The following RDX variants were observed in gnomAD, a reference collection of about 807,000 sequenced individuals.
RDX encodes the protein deafness, autosomal recessive 24.
In RDX, 32 loss-of-function variants were observed where a neutral mutation model predicts 83.7. That is an observed-to-expected ratio of 0.38 (90% CI 0.29 to 0.51). The LOEUF is 0.51. Ranked by LOEUF, RDX falls within the 20% of genes least tolerant of loss-of-function variation. The pLI, the probability that RDX is intolerant of heterozygous loss-of-function variation, is 0.87. For missense variants in RDX, 600 were observed against 689.9 expected (o/e 0.87, Z 1.46); for synonymous variants, 229 against 222.7 (o/e 1.03, Z -0.25).
At chr11:110,191,755 C>T (rs1464663474) in intron 15 of RDX, among the ~76,000 whole-genome samples, 1 of 152,162 alleles carries the variant, frequency 6.6e-6, no homozygotes, top group Non-Finnish European at 1.5e-5. Context: ...ACTCAGGAAG[C>T]TGAGGCAGGA....
At position 110,197,570 on chromosome 11, in the gene RDX, C is replaced by G. The variant is rs144724007; in HGVS notation, c.*31+2011G>C. Among the ~76,000 whole-genome samples, 963 of 152,260 alleles carry G rather than the reference C, an allele frequency of 6.3e-3. 9 individuals carry two copies. The highest frequency in any genetic ancestry group is 0.021 in the African/African-American group (868 of 41,538). On this transcript the variant is annotated intron_variant, in intron 15 of 15. Coordinates refer to the RDX transcript ENST00000528498. ...TTTCCTACTTCTGACGACAATAGCT[C>G]AGAGTCAAACTCACTCAAAGGATTT...
At chr11:110,270,232 C>T (rs1860249493) in intron 3 of RDX, among the ~76,000 whole-genome samples, 1 of 151,798 alleles carries the variant, frequency 6.6e-6, no homozygotes, top group South Asian at 2.1e-4. Flanking sequence ...TTAAACAAAC[C>T]TAAATGGTAT....
At chr11:110,179,754 A>C in intron 15 of RDX, 1 of 290,774 alleles carries the variant, frequency 3.4e-6, no homozygotes, top group South Asian at 3.5e-5. Context: ...CCTGGGCAAC[A>C]GAGCAAGATT....
At chr11:110,287,911 T>C (rs1030452401) in intron 1 of RDX, among the ~76,000 whole-genome samples, 6 of 152,254 alleles carry the variant, frequency 3.9e-5, no homozygotes, top group African/African-American at 1.2e-4. Context: ...TATCTTATTC[T>C]ACTTTTCTCA....
chr11:110,270,058 T>C (rs959010287), intron 3 of RDX, among the ~76,000 whole-genome samples: 5 of 152,038 alleles, frequency 3.3e-5, no homozygotes, highest in Non-Finnish European at 7.4e-5. Context: ...AAAATTTTTT[T>C]TTAATAAAGA....
chr11:110,254,002 T>C lies in RDX; in HGVS notation c.903A>G (p.Glu301=), dbSNP rs1859442095. The C allele has an allele frequency of 6.2e-7, 1 of 1,613,836 alleles. No individual in the cohort carries two copies. The highest frequency in any genetic ancestry group is 2.2e-5 in the East Asian group (1 of 44,832). ...TAGCCTGAGCCTTCATCTGTTGTACTTCAATAGTATCAGGCTTCCTTCTTC... is the reference window on the plus strand; with the variant it reads ...TAGCCTGAGCCTTCATCTGTTGTACCTCAATAGTATCAGGCTTCCTTCTTC... ...YMRRRKPDTI[E]VQQMKAQARE... Residue 301 remains glutamate (E), a synonymous_variant, in exon 9 of 14, where the codon GAA becomes GAG. Coordinates refer to ENST00000645495, the MANE Select transcript of RDX (RefSeq NM_002906.4).
At chr11:110,249,036 T>C (rs1396981922) in intron 9 of RDX, among the ~76,000 whole-genome samples, 1 of 152,194 alleles carries the variant, frequency 6.6e-6, no homozygotes, top group African/African-American at 2.4e-5. Flanking sequence ...TTTTAAATAC[T>C]GCCAAATTCA....
chr11:110,261,014 C>G (rs547879879), intron 5 of RDX, among the ~76,000 whole-genome samples: 18 of 152,060 alleles, frequency 1.2e-4, no homozygotes, highest in African/African-American at 2.9e-4. Context: ...AAGATCTGTC[C>G]TAGGTCTTTT....
At chr11:110,209,028 C>T (rs1033332112) in intron 14 of RDX, among the ~76,000 whole-genome samples, 2 of 152,202 alleles carry the variant, frequency 1.3e-5, no homozygotes, top group African/African-American at 2.4e-5. Flanking sequence ...CAGCTCCCAG[C>T]GTGAGCGACG....
rs768760004 is a variant in RDX, at chr11:110,237,505, T to A, written c.1238A>T (p.Asn413Ile). The A allele has an allele frequency of 1.2e-6, 2 of 1,612,624 alleles. No individual in the cohort carries two copies. Among genetic ancestry groups the A allele is most frequent in the South Asian group, 2.2e-5 (2 of 91,026 alleles). The change falls in exon 11 of 14, where the codon AAT (asparagine) becomes ATT (isoleucine). Residue 413 changes from asparagine (N) to isoleucine (I), a missense_variant. Transcript: ENST00000645495. Reference sequence around the variant, plus strand: ...ACAGTTCCTTACTAGCTGCTCCTGATTCTTCATCTGGTCGGCAGCTTGTTT... The same window carrying A: ...ACAGTTCCTTACTAGCTGCTCCTGAATCTTCATCTGGTCGGCAGCTTGTTT... Reference protein sequence around the residue: ...IAKQAADQMKNQEQLAAELAE... With the variant: ...IAKQAADQMKIQEQLAAELAE...
chr11:110,253,883 C>G (rs1486509133), intron 9 of RDX, 63 bp downstream of exon 9: 1 of 1,393,678 alleles, frequency 7.2e-7, no homozygotes, highest in Non-Finnish European at 1.0e-6. Flanking sequence ...AAAAACTGAG[C>G]AGTCTTAAAT....
At chr11:110,260,725 C>CAA (rs1859768794) in intron 5 of RDX, among the ~76,000 whole-genome samples, 1 of 152,188 alleles carries the variant, frequency 6.6e-6, no homozygotes, top group South Asian at 2.1e-4. Flanking sequence ...TGTGGATGCT[C>CAA]AAGTCCCTGA....
chr11:110,251,062 C>T lies in RDX; in HGVS notation c.959+2884G>A, dbSNP rs184192326. Among the ~76,000 whole-genome samples the T allele has an allele frequency of 5.3e-5, 8 of 152,280 alleles. No homozygotes were observed. The East Asian group carries it at 1.2e-3, about 22-fold the overall frequency. On this transcript the variant is annotated intron_variant, in intron 9 of 13. Coordinates refer to ENST00000645495, the MANE Select transcript of RDX (RefSeq NM_002906.4). ...ATCTATGTTGGCTTCTTCTTCTGAA[C>T]GTATCTCTTGCTCTCTCTAACCTTC...
At chr11:110,246,601 CCT>C (rs1336810178) in intron 10 of RDX, among the ~76,000 whole-genome samples, 1 of 151,972 alleles carries the variant, frequency 6.6e-6, no homozygotes, top group Non-Finnish European at 1.5e-5. Context: ...ATGGCGAAAC[CCT>C]CTCTCTACTA....
chr11:110,269,181 T>C (rs1047193497), intron 3 of RDX, among the ~76,000 whole-genome samples: 3 of 151,940 alleles, frequency 2.0e-5, no homozygotes, highest in African/African-American at 4.8e-5. Context: ...ACAGTAAAAA[T>C]ATGGTATTAC....
In RDX at chr11:110,281,322, A is replaced by ATT. The variant is rs754256440; in HGVS notation, c.-64-1568_-64-1567dup. On this transcript the variant is annotated intron_variant, in intron 1 of 13. Coordinates refer to ENST00000645495, the MANE Select transcript of RDX (RefSeq NM_002906.4). ...TCTTCAGAGGAAATTTCCTCCTGAGATTTTTTTTTTTTTTTTGAGATGGAG... is the reference window on the plus strand; with the variant it reads ...TCTTCAGAGGAAATTTCCTCCTGAGATTTTTTTTTTTTTTTTTTGAGATGGAG... Among the ~76,000 whole-genome samples the ATT allele has an allele frequency of 1.1e-4, 16 of 143,228 alleles. No individual in the cohort carries two copies. In the South Asian group the frequency reaches 2.3e-3, roughly 20 times the overall value. 94.0% of individuals were successfully genotyped at this position (143,228 alleles called of 152,430 possible). A position where few individuals can be genotyped will look rare whatever the true frequency, so the allele number is the denominator to read the frequency against.
chr11:110,234,496 A>C (rs1055753473), intron 12 of RDX, among the ~76,000 whole-genome samples: 4 of 152,196 alleles, frequency 2.6e-5, no homozygotes, highest in Admixed American at 2.6e-4. Flanking sequence ...CATGTTGAAT[A>C]TATAAACAGG....
intron 8 of RDX, 103 bp downstream of exon 8, chr11:110,255,186 A>G: frequency 1.5e-6 from 1 of 687,512 alleles, no homozygotes; most frequent in South Asian, 1.7e-5. Flanking sequence ...AATGGTCCTC[A>G]GAAGCAATTT....
At chr11:110,250,294 A>G (rs1859276457) in intron 9 of RDX, among the ~76,000 whole-genome samples, 1 of 152,200 alleles carries the variant, frequency 6.6e-6, no homozygotes, top group South Asian at 2.1e-4. Context: ...AGTAATTGCT[A>G]GTAAGGCCAA....
Sources: gnomAD v4.1 joint callset for allele counts (sites outside exome capture counted in the v4.1 genomes callset) on GRCh38, gnomAD v4.1.1 for gene constraint, MANE v1.5 for transcripts, NCBI Gene and HGNC (gene_info 2026-07-23, HGNC 2026-07-21) for gene names.